Variants in DPY19L2 observed in about 807,000 individuals in gnomAD.
DPY19L2 encodes dpy-19 like 2, also known as probable C-mannosyltransferase DPY19L2.
In DPY19L2, 34 loss-of-function variants were observed where a neutral mutation model predicts 97.9. That is an observed-to-expected ratio of 0.35 (90% CI 0.26 to 0.46). The LOEUF is 0.46. DPY19L2 is among the 20% of genes least tolerant of loss of function. The pLI, the probability that DPY19L2 is intolerant of heterozygous loss-of-function variation, is 1.00. For missense variants in DPY19L2, 623 were observed against 911.4 expected (o/e 0.68, Z 4.07); for synonymous variants, 230 against 307.9 (o/e 0.75, Z 2.65).
chr12:63,560,340 T>C lies in DPY19L2; in HGVS notation c.*172A>G. 1.4e-6 allele frequency: 1 copy of C among 723,242 alleles called. No individual in the cohort carries two copies. The highest frequency in any genetic ancestry group is 1.8e-5 in the African/African-American group (1 of 55,896). The allele number at this position is 723,242 out of a possible 1,614,324, so 44.8% of individuals were successfully genotyped here. ...CAAGCTTAATAAGGCTGACATTCAA[T>C]GAACAGAAAAGTAATTTACCTTTTA... On this transcript the variant is annotated 3_prime_UTR_variant, in exon 22 of 22. Transcript: ENST00000324472.
At chr12:63,610,137 G>A (rs1886703184) in intron 11 of DPY19L2, among the ~76,000 whole-genome samples, 1 of 147,434 alleles carries the variant, frequency 6.8e-6, no homozygotes, top group African/African-American at 2.5e-5. Flanking sequence ...ATAAGAAGAA[G>A]AGATATAAAA....
intron 6 of DPY19L2, among the ~76,000 whole-genome samples, chr12:63,636,749 T>C (rs904801419): frequency 1.1e-4 from 16 of 152,092 alleles, no homozygotes; most frequent in African/African-American, 3.9e-4. Flanking sequence ...CCTAAATATA[T>C]ATGCACCCAA....
chr12:63,565,229 A>G (rs911608421), intron 21 of DPY19L2, among the ~76,000 whole-genome samples: 5 of 152,158 alleles, frequency 3.3e-5, no homozygotes, highest in Non-Finnish European at 7.4e-5. Flanking sequence ...TATTGCTGCT[A>G]TAACAAATTA....
chr12:63,591,961 GAAAAGAA>G, intron 16 of DPY19L2, among the ~76,000 whole-genome samples: 1 of 102,208 alleles, frequency 9.8e-6, no homozygotes, highest in Non-Finnish European at 1.9e-5. Flanking sequence ...GAAAAGAAAA[GAAAAGAA>G]AAGAAAAGAG....
intron 14 of DPY19L2, among the ~76,000 whole-genome samples, chr12:63,597,082 C>T (rs1222954380): frequency 1.3e-5 from 2 of 151,962 alleles, no homozygotes; most frequent in Non-Finnish European, 2.9e-5. Flanking sequence ...AAGCAATTCT[C>T]CTGTCTCAGC....
chr12:63,617,053 A>G (rs560756026), intron 11 of DPY19L2, among the ~76,000 whole-genome samples: 1 of 152,306 alleles, frequency 6.6e-6, no homozygotes, highest in South Asian at 2.1e-4. Context: ...AAAATGGGAT[A>G]TGATTAAAGT....
At chr12:63,602,361 T>G (rs1482209988) in intron 12 of DPY19L2, among the ~76,000 whole-genome samples, 3 of 151,950 alleles carry the variant, frequency 2.0e-5, no homozygotes, top group Admixed American at 2.0e-4. Flanking sequence ...TGATGAAGAA[T>G]GAAAATGATA....
intron 20 of DPY19L2, chr12:63,569,574 T>C (rs1286777728): frequency 3.0e-6 from 1 of 329,346 alleles, no homozygotes; most frequent in African/African-American, 2.2e-5. Context: ...ATACTGCTCA[T>C]TACTGTATAA....
intron 16 of DPY19L2, among the ~76,000 whole-genome samples, chr12:63,587,846 T>C (rs544875519): frequency 1.4e-4 from 22 of 152,116 alleles, no homozygotes; most frequent in Non-Finnish European, 2.5e-4. Context: ...GCTGGGATTA[T>C]AGGCATGAGC....
At chr12:63,579,590 A>C (rs1880508295) in intron 19 of DPY19L2, among the ~76,000 whole-genome samples, 1 of 152,188 alleles carries the variant, frequency 6.6e-6, no homozygotes, top group Non-Finnish European at 1.5e-5. Flanking sequence ...AGAAAGACAC[A>C]AGAAAAGATT....
At chr12:63,641,172 G>A (rs1257577417) in intron 6 of DPY19L2, among the ~76,000 whole-genome samples, 1 of 152,018 alleles carries the variant, frequency 6.6e-6, no homozygotes, top group African/African-American at 2.4e-5. Context: ...CCAAAGTGCT[G>A]AGATTACAGG....
chr12:63,583,213 CA>C (rs1366231002), intron 17 of DPY19L2, among the ~76,000 whole-genome samples: 1 of 152,140 alleles, frequency 6.6e-6, no homozygotes, highest in Non-Finnish European at 1.5e-5. Flanking sequence ...CTATTAAGTT[CA>C]AATTCAGTTA....
intron 11 of DPY19L2, among the ~76,000 whole-genome samples, chr12:63,613,926 G>A (rs1404491950): frequency 1.3e-5 from 2 of 152,008 alleles, no homozygotes; most frequent in Non-Finnish European, 2.9e-5. Context: ...CGTGGTGGCT[G>A]ACACCTGTAA....
At chr12:63,616,588 G>A (rs1887865794) in intron 11 of DPY19L2, among the ~76,000 whole-genome samples, 2 of 152,126 alleles carry the variant, frequency 1.3e-5, no homozygotes, top group Non-Finnish European at 2.9e-5. Context: ...GATATCAGAA[G>A]TATAACTACA....
intron 5 of DPY19L2, among the ~76,000 whole-genome samples, chr12:63,645,065 G>A (rs1297341311): frequency 7.2e-6 from 1 of 139,040 alleles, no homozygotes. Flanking sequence ...TAGAATCTTA[G>A]TATATTCCAT....
chr12:63,639,956 G>A (rs1432705655), intron 6 of DPY19L2, among the ~76,000 whole-genome samples: 3 of 152,136 alleles, frequency 2.0e-5, no homozygotes, highest in Admixed American at 2.0e-4. Flanking sequence ...CAACCCAAAT[G>A]TCCAACAATG....
intron 6 of DPY19L2, among the ~76,000 whole-genome samples, chr12:63,627,189 A>G (rs1053492312): frequency 2.0e-5 from 3 of 152,212 alleles, no homozygotes; most frequent in African/African-American, 7.2e-5. Flanking sequence ...TAAGGGACTG[A>G]GAGATGAAGA....
At chr12:63,582,376 A>C (rs1881082158) in intron 18 of DPY19L2, 30 bp downstream of exon 18, 1 of 1,598,296 alleles carries the variant, frequency 6.3e-7, no homozygotes, top group Admixed American at 1.8e-5. Flanking sequence ...TAGTTTTTAT[A>C]GTATTGTTAT....
intron 6 of DPY19L2, among the ~76,000 whole-genome samples, chr12:63,642,849 G>C (rs1355693929): frequency 6.6e-6 from 1 of 152,042 alleles, no homozygotes; most frequent in African/African-American, 2.4e-5. Context: ...GACTGGTAGA[G>C]CATTGAATCT....
Sources: allele counts gnomAD v4.1 joint callset (sites outside exome capture counted in the v4.1 genomes callset), GRCh38; gene constraint gnomAD v4.1.1; transcripts MANE v1.5; gene names NCBI Gene and HGNC (gene_info 2026-07-23, HGNC 2026-07-21).